AK8: variants seen among roughly 807,000 people sequenced by gnomAD.
AK8 encodes the protein adenylate kinase 8.
Under a neutral mutation model 54.6 loss-of-function variants are expected in AK8, and 44 were observed. The observed-to-expected ratio is 0.81, with a 90% CI of 0.63 to 1.04. AK8 has a LOEUF of 1.04. Among genes scored for constraint, AK8 ranks in the 50% least tolerant of loss-of-function variants. The pLI, the probability that AK8 is intolerant of heterozygous loss-of-function variation, is 0.00. For synonymous variants in AK8, 239 were observed against 245.6 expected (o/e 0.97, Z 0.25); for missense variants, 555 against 613.6 (o/e 0.90, Z 1.01).
chr9:132,792,132 A>G (rs959597250), intron 11 of AK8, among the ~76,000 whole-genome samples: 7 of 152,208 alleles, frequency 4.6e-5, no homozygotes, highest in Non-Finnish European at 8.8e-5. Context: ...GGTGGGCTTC[A>G]CTGCTCTCCA....
intron 11 of AK8, among the ~76,000 whole-genome samples, chr9:132,734,668 T>G (rs956570500): frequency 2.0e-5 from 3 of 152,036 alleles, no homozygotes; most frequent in African/African-American, 7.2e-5. Flanking sequence ...CCCAGGAGTT[T>G]GAGGCTGCAG....
chr9:132,843,594 TG>T (rs1419913748), intron 5 of AK8, among the ~76,000 whole-genome samples: 1 of 151,556 alleles, frequency 6.6e-6, no homozygotes, highest in African/African-American at 2.4e-5. Context: ...GGGTACTGAG[TG>T]GGTAGATGAG....
intron 9 of AK8, among the ~76,000 whole-genome samples, chr9:132,821,425 A>G (rs1841603534): frequency 7.0e-6 from 1 of 143,564 alleles, no homozygotes; most frequent in African/African-American, 2.5e-5. Context: ...AACAATCAAA[A>G]GAAGAAGGAA....
chr9:132,750,790 T>C (rs1590193926), intron 11 of AK8, among the ~76,000 whole-genome samples: 1 of 151,842 alleles, frequency 6.6e-6, no homozygotes, highest in East Asian at 1.9e-4. Context: ...GAGATACCAA[T>C]GGAAATTAGG....
At position 132,826,045 on chromosome 9, in the gene AK8, CAAT is replaced by C. The variant is rs928705092; in HGVS notation, c.757+806_757+808del. On this transcript the variant is annotated intron_variant, in intron 8 of 12. Coordinates refer to ENST00000298545, the MANE Select transcript of AK8 (RefSeq NM_152572.3). The surrounding 1 kb of genome is among the most constrained non-coding windows in gnomAD (Gnocchi z 4.5). The stretch of plus-strand genomic sequence containing the variant: ...TTGCCTTTTTGGGCAGGGTGTTGAA[CAAT>C]GATAGGAGCTATGACGACTGATGTT... 2.0e-5 allele frequency among the ~76,000 whole-genome samples: 3 copies of C among 152,152 alleles called. No individual in the cohort carries two copies. The highest frequency in any genetic ancestry group is 4.4e-5 in the Non-Finnish European group (3 of 68,024).
intron 5 of AK8, among the ~76,000 whole-genome samples, chr9:132,844,379 G>A (rs904593410): frequency 4.0e-5 from 6 of 151,358 alleles, no homozygotes; most frequent in Non-Finnish European, 7.4e-5. Flanking sequence ...TTATGATTGC[G>A]TTATTTTTCC....
chr9:132,788,076 G>A (rs755521425), intron 11 of AK8, among the ~76,000 whole-genome samples: 8 of 152,002 alleles, frequency 5.3e-5, no homozygotes, highest in Non-Finnish European at 8.8e-5. Context: ...ACAATATGAT[G>A]GACTTTGTGG....
intron 11 of AK8, among the ~76,000 whole-genome samples, chr9:132,738,100 C>T (rs1166400103): frequency 1.3e-5 from 2 of 151,520 alleles, no homozygotes; most frequent in Non-Finnish European, 2.9e-5. Flanking sequence ...GTCGCCCAGG[C>T]TGCAGTGCAG....
At chr9:132,753,406 G>T (rs1024451907) in intron 11 of AK8, among the ~76,000 whole-genome samples, 5 of 152,260 alleles carry the variant, frequency 3.3e-5, no homozygotes, top group African/African-American at 1.2e-4. Flanking sequence ...TATCTGGGAA[G>T]GGCTTAGGGG....
At chr9:132,765,537 C>T (rs1265993414) in intron 11 of AK8, among the ~76,000 whole-genome samples, 3 of 152,002 alleles carry the variant, frequency 2.0e-5, no homozygotes, top group African/African-American at 2.4e-5. Context: ...CCCAGCTACT[C>T]GGGAGGCTGA....
At chr9:132,792,474 C>G (rs1182361965) in intron 11 of AK8, among the ~76,000 whole-genome samples, 160 bp downstream of exon 11, 3 of 152,188 alleles carry the variant, frequency 2.0e-5, no homozygotes, top group African/African-American at 7.2e-5. Flanking sequence ...GACTCCTAGT[C>G]CACCGGGCAG....
intron 11 of AK8, among the ~76,000 whole-genome samples, chr9:132,779,328 T>C (rs1476485150): frequency 6.6e-6 from 1 of 152,226 alleles, no homozygotes; most frequent in African/African-American, 2.4e-5. Flanking sequence ...TATGTATTTA[T>C]TCATTTTCGG....
At chr9:132,732,481 A>G (rs1351780315) in intron 11 of AK8, among the ~76,000 whole-genome samples, 1 of 152,260 alleles carries the variant, frequency 6.6e-6, no homozygotes, top group African/African-American at 2.4e-5. Context: ...GGAGGCCCAG[A>G]GGTCACCAGT....
At chr9:132,836,180 T>A (rs922718538) in intron 5 of AK8, among the ~76,000 whole-genome samples, 6 of 152,144 alleles carry the variant, frequency 3.9e-5, no homozygotes, top group African/African-American at 1.4e-4. Context: ...TCCCAGCTTC[T>A]TGGGAGGCTG....
At chr9:132,818,469 T>C (rs1841431778) in intron 9 of AK8, among the ~76,000 whole-genome samples, 1 of 152,168 alleles carries the variant, frequency 6.6e-6, no homozygotes, top group South Asian at 2.1e-4. Flanking sequence ...TGCGAGGCTC[T>C]GATATCATAC....
intron 11 of AK8, among the ~76,000 whole-genome samples, chr9:132,741,272 G>A (rs548969027): frequency 2.6e-5 from 4 of 152,356 alleles, no homozygotes; most frequent in African/African-American, 9.6e-5. Context: ...CTTCATGCCT[G>A]TGCACACTTG....
chr9:132,735,220 C>T (rs1837045862), intron 11 of AK8, among the ~76,000 whole-genome samples: 1 of 152,156 alleles, frequency 6.6e-6, no homozygotes, highest in Non-Finnish European at 1.5e-5. Flanking sequence ...CCTGGTAACG[C>T]CCACTCTAGC....
chr9:132,743,327 G>A lies in AK8; in HGVS notation c.1122-15793C>T, dbSNP rs573032840. On this transcript the variant is annotated intron_variant, in intron 11 of 12. Transcript: ENST00000298545. ...TCCCTGGGTCACCTGGGGGACAAGT[G>A]CATCTCCTCGTCACTGGTCACTGGA... 1.3e-3 allele frequency among the ~76,000 whole-genome samples: 204 copies of A among 152,380 alleles called. 3 individuals are homozygous for A. The highest frequency in any genetic ancestry group is 4.7e-3 in the African/African-American group (197 of 41,586).
chr9:132,866,795 A>G, intron 3 of AK8, 109 bp downstream of exon 3: 2 of 1,075,936 alleles, frequency 1.9e-6, no homozygotes, highest in Non-Finnish European at 2.8e-6. Flanking sequence ...GAGAAGGAAA[A>G]GAAGAAAAGC....
Sources: gnomAD v4.1 joint callset for allele counts (sites outside exome capture counted in the v4.1 genomes callset) on GRCh38, gnomAD v4.1.1 for gene constraint, Gnocchi (gnomAD v3.1) non-coding constraint, MANE v1.5 for transcripts, NCBI Gene and HGNC (gene_info 2026-07-23, HGNC 2026-07-21) for gene names.